DGCR2: variants seen among roughly 807,000 people sequenced by gnomAD.
DGCR2 encodes integral membrane protein DGCR2/IDD.
In DGCR2, 24 loss-of-function variants were observed where a neutral mutation model predicts 51.6. The observed-to-expected ratio is 0.47, with a 90% confidence interval of 0.34 to 0.65. The LOEUF is 0.65. Among genes scored for constraint, DGCR2 ranks in the 30% least tolerant of loss-of-function variants. The pLI, the probability that DGCR2 is intolerant of heterozygous loss-of-function variation, is 0.01. For synonymous variants in DGCR2, 340 were observed against 315.4 expected, an observed-to-expected ratio of 1.08 and a Z score of -0.82; for missense variants, 765 against 772.1, an observed-to-expected ratio of 0.99 and a Z score of 0.11.
chr22:19,041,162 G>T lies in DGCR2; in HGVS notation c.1292C>A (p.Pro431His). 1 of 1,613,906 alleles carries T rather than the reference G, an allele frequency of 6.2e-7. No homozygotes were observed. Among genetic ancestry groups the T allele is most frequent in the South Asian group, 1.1e-5 (1 of 91,074 alleles). ...CGGGTACTTGTATGCCGTGTAGGGA[G>T]GTGGAGGGTCGTGGAAATGGAAAGT... is the stretch of plus-strand genomic sequence containing the variant. Reference protein sequence around the residue: ...GGTFHFHDPPPPYTAYKYPDI... With the variant: ...GGTFHFHDPPHPYTAYKYPDI... The change falls in exon 9 of 10, where the codon CCT (proline) becomes CAT (histidine). Residue 431 changes from proline (P) to histidine (H), a missense_variant. By Grantham distance (77) the Pro-to-His change is moderately conservative (BLOSUM62 -2). Transcript: ENST00000263196.
intron 7 of DGCR2, among the ~76,000 whole-genome samples, chr22:19,044,038 C>T (rs1196056726): frequency 1.3e-5 from 2 of 152,208 alleles, no homozygotes; most frequent in African/African-American, 2.4e-5. Context: ...TCATTGGAGG[C>T]CAGTTCAGAG....
chr22:19,101,737 T>TAAAAAA (rs764584649), intron 1 of DGCR2, among the ~76,000 whole-genome samples: 1 of 110,990 alleles, frequency 9.0e-6, no homozygotes, highest in Non-Finnish European at 1.8e-5. Context: ...GCAAAACTGT[T>TAAAAAA]AAAAAAAAAA....
chr22:19,058,529 T>C (rs951581781), intron 5 of DGCR2, among the ~76,000 whole-genome samples: 4 of 152,208 alleles, frequency 2.6e-5, no homozygotes, highest in Non-Finnish European at 5.9e-5. Flanking sequence ...CTCCCACAGA[T>C]GCCTTCTCAC....
chr22:19,111,849 TTTA>T lies in DGCR2; in HGVS notation c.79+10276_79+10278del, dbSNP rs1442034736. ...TCTAAACTCTTTTTTGTTTTTATTT[TTTA>T]TTTATTTATTTTTTTTTGTCTCCAG... On this transcript the variant is annotated intron_variant, in intron 1 of 9. Transcript: ENST00000263196. Among the ~76,000 whole-genome samples, 11 of 81,186 alleles carry T rather than the reference TTTA, an allele frequency of 1.4e-4. 1 individual carries two copies. The South Asian group carries it at 3.0e-3, about 22-fold the overall frequency. 53.3% of individuals were successfully genotyped at this position (81,186 alleles called of 152,430 possible).
rs2146324410 is a variant in DGCR2 at position 19,056,612 on chromosome 22, CAG to C, written c.802+372_802+373del. On this transcript the variant is annotated intron_variant, in intron 6 of 9. Transcript: ENST00000263196. ...CAAGGTAAACAGAGAAGCAGAGAAG[CAG>C]AGAGAAGGATGGCAGAAATGGGGGG... The C allele has an allele frequency of 1.3e-5, 5 of 376,016 alleles. No homozygotes were observed. In the South Asian group the frequency reaches 1.6e-4, roughly 12 times the overall value. 23.3% of individuals were successfully genotyped at this position (376,016 alleles called of 1,614,324 possible). A position where few individuals can be genotyped will look rare whatever the true frequency, so the allele number is the denominator to read the frequency against.
chr22:19,121,963 G>A (rs1290721187), intron 1 of DGCR2, 165 bp downstream of exon 1: 3 of 324,392 alleles, frequency 9.2e-6, no homozygotes, highest in Non-Finnish European at 1.6e-5. Context: ...GTAAGCTCCA[G>A]CAGGCGTCCG....
rs1279557959 is a variant in DGCR2 at position 19,063,235 on chromosome 22, A to T, written c.592T>A (p.Ser198Thr). 1.9e-6 allele frequency: 3 copies of T among 1,614,098 alleles called. No individual in the cohort carries two copies. Among genetic ancestry groups the T allele is most frequent in the Non-Finnish European group, 2.5e-6 (3 of 1,180,044 alleles). Reference protein sequence around the residue: ...YQYVITGRNRSLEGRWEVAFK... With the variant: ...YQYVITGRNRTLEGRWEVAFK... ...GCCACCTCCCAGCGACCTTCCAAGGAGCGGTTCCGGCCAGTGATAACATAC... is the reference window on the plus strand; with the variant it reads ...GCCACCTCCCAGCGACCTTCCAAGGTGCGGTTCCGGCCAGTGATAACATAC... The change falls in exon 5 of 10, where the codon TCC becomes ACC. Residue 198 changes from serine to threonine, a missense_variant. Coordinates refer to ENST00000263196, the MANE Select transcript of DGCR2 (RefSeq NM_005137.3).
chr22:19,077,395 G>C (rs1182037961), intron 2 of DGCR2, among the ~76,000 whole-genome samples: 1 of 152,140 alleles, frequency 6.6e-6, no homozygotes, highest in Non-Finnish European at 1.5e-5. Flanking sequence ...TTATTCTTTT[G>C]ATTTGTATGT....
intron 1 of DGCR2, among the ~76,000 whole-genome samples, chr22:19,097,216 A>G (rs937075838): frequency 1.3e-5 from 2 of 152,076 alleles, no homozygotes; most frequent in African/African-American, 2.4e-5. Flanking sequence ...GGCTTCCTAT[A>G]TATCAGTATA....
At chr22:19,084,668 T>TG (rs1480999699) in intron 2 of DGCR2, among the ~76,000 whole-genome samples, 1 of 126,884 alleles carries the variant, frequency 7.9e-6, no homozygotes, top group East Asian at 2.4e-4. Flanking sequence ...GGGAGGGAGG[T>TG]GGGGGTCAGC....
intron 9 of DGCR2, among the ~76,000 whole-genome samples, chr22:19,039,907 C>CT (rs1173812076): frequency 6.6e-6 from 1 of 151,526 alleles, no homozygotes; most frequent in East Asian, 1.9e-4. Context: ...AGAAGGAGGT[C>CT]TCACAGGCTG....
chr22:19,041,290 G>T lies in DGCR2; in HGVS notation c.1164C>A (p.His388Gln). 1 of 1,613,826 alleles carries T rather than the reference G, an allele frequency of 6.2e-7. No homozygotes were observed. Among genetic ancestry groups the T allele is most frequent in the African/African-American group, 1.3e-5 (1 of 75,050 alleles). ...GGATCCTGCGGCCGAGGTTGAAGTG[G>T]TGCACTGGGCCATCAAAAGTGTGCA... Reference protein sequence around the residue: ...RIESLIGANLHHFNLGRRIPG... With the variant: ...RIESLIGANLQHFNLGRRIPG... Residue 388 changes from histidine (H) to glutamine (Q), a missense_variant, in exon 9 of 10, where the codon CAC becomes CAA. By Grantham distance (24) the His-to-Gln change is conservative. This residue lies in a region of DGCR2 where 190 missense variants were observed against 265.2 expected (regional missense o/e 0.72). Transcript: ENST00000263196.
At position 19,094,427 on chromosome 22, in the gene DGCR2, C is replaced by CAAACAA. The variant is rs966005464; in HGVS notation, c.80-4943_80-4938dup. On this transcript the variant is annotated intron_variant, in intron 1 of 9. Transcript: ENST00000263196. The stretch of plus-strand genomic sequence containing the variant: ...GCGACAGAATGAGACTCCGTCTCAA[C>CAAACAA]AAACAAAAACAAAAACAAAAAACCA... Among the ~76,000 whole-genome samples the CAAACAA allele has an allele frequency of 8.8e-5, 11 of 125,002 alleles. No homozygotes were observed. In the South Asian group the frequency reaches 2.2e-3, roughly 25 times the overall value. The allele number at this position is 125,002 out of a possible 152,430, so 82.0% of individuals were successfully genotyped here. A position where few individuals can be genotyped will look rare whatever the true frequency, so the allele number is the denominator to read the frequency against.
At chr22:19,084,721 T>C (rs71611581) in intron 2 of DGCR2, among the ~76,000 whole-genome samples, 1 of 108,604 alleles carries the variant, frequency 9.2e-6, no homozygotes, top group African/African-American at 3.6e-5. Context: ...AGGTGGGGGG[T>C]CAGCCCCCGC....
chr22:19,077,698 T>C (rs1438413754), intron 2 of DGCR2, among the ~76,000 whole-genome samples: 1 of 152,234 alleles, frequency 6.6e-6, no homozygotes, highest in Admixed American at 6.5e-5. Flanking sequence ...AACATTAGGA[T>C]AAATTTTTCT....
intron 1 of DGCR2, among the ~76,000 whole-genome samples, chr22:19,117,893 T>C (rs2083390117): frequency 6.6e-6 from 1 of 152,126 alleles, no homozygotes; most frequent in African/African-American, 2.4e-5. Flanking sequence ...GTGGACAAAC[T>C]CTACAAAGTG....
chr22:19,055,525 G>C (rs1388811018), intron 6 of DGCR2, among the ~76,000 whole-genome samples: 2 of 152,060 alleles, frequency 1.3e-5, no homozygotes, highest in African/African-American at 2.4e-5. Flanking sequence ...GGGCAACATA[G>C]TGAAACCACA....
At chr22:19,095,965 T>C (rs1473633861) in intron 1 of DGCR2, among the ~76,000 whole-genome samples, 1 of 152,134 alleles carries the variant, frequency 6.6e-6, no homozygotes, top group African/African-American at 2.4e-5. Context: ...ATACAGGAGC[T>C]AGGTCCTTTT....
At chr22:19,120,952 G>T (rs1601325025) in intron 1 of DGCR2, among the ~76,000 whole-genome samples, 1 of 152,238 alleles carries the variant, frequency 6.6e-6, no homozygotes, top group African/African-American at 2.4e-5. Flanking sequence ...GACCAGAGAA[G>T]CATCACTGAA....
Sources: allele counts gnomAD v4.1 joint callset (sites outside exome capture counted in the v4.1 genomes callset), GRCh38; gene constraint gnomAD v4.1.1; regional missense constraint gnomAD v4.1.1; transcripts MANE v1.5; gene names NCBI Gene and HGNC (gene_info 2026-07-23, HGNC 2026-07-21).